REDIC1: variants seen among roughly 807,000 people sequenced by gnomAD.
The protein encoded by REDIC1 is regulator of DNA class I crossover intermediates 1, also known as HEI10 Interacting Protein 1.
the REDIC1 span, chr12:39,721,406 A>G: frequency 3.2e-6 from 2 of 620,942 alleles, no homozygotes; most frequent in East Asian, 5.7e-5. Context: ...TCATGTTAAA[A>G]CATTTTAATA....
chr12:39,684,725 G>C, the REDIC1 span: 1 of 593,910 alleles, frequency 1.7e-6, no homozygotes, highest in South Asian at 2.3e-5. Context: ...GGGCTCCTTG[G>C]CATGGAGCTT....
At chr12:39,683,140 G>A in the REDIC1 span, 2 of 1,588,936 alleles carry the variant, frequency 1.3e-6, no homozygotes, top group Non-Finnish European at 1.7e-6. Flanking sequence ...TGAAAGAAAA[G>A]GTTGGTATTG....
At chr12:39,674,352 A>G in the REDIC1 span, among the ~76,000 whole-genome samples, 13 of 152,328 alleles carry the variant, frequency 8.5e-5, no homozygotes, top group Admixed American at 8.5e-4. Context: ...TGCTTAAAAT[A>G]CCTTTTAAAA....
At chr12:39,714,963 A>C in the REDIC1 span, among the ~76,000 whole-genome samples, 8,262 of 152,044 alleles carry the variant, frequency 0.054, 263 homozygotes, top group Middle Eastern at 0.092. Context: ...TCTGGATATA[A>C]GTCCTTTGTC....
the REDIC1 span, among the ~76,000 whole-genome samples, chr12:39,711,803 ATGTG>A: frequency 9.3e-6 from 1 of 107,138 alleles, no homozygotes; most frequent in Non-Finnish European, 2.1e-5. Context: ...GTACACATGC[ATGTG>A]TATGTGTGTA....
At chr12:39,720,826 G>T in the REDIC1 span, 681 of 1,612,046 alleles carry the variant, frequency 4.2e-4, 1 homozygote, top group East Asian at 0.013. Context: ...GCAAATTGAA[G>T]ATTCAAATAG....
At chr12:39,635,227 C>T in the REDIC1 span, among the ~76,000 whole-genome samples, 74 of 152,194 alleles carry the variant, frequency 4.9e-4, no homozygotes, top group East Asian at 0.011. Flanking sequence ...TTGTGGAAGA[C>T]AGTGTGGCGA....
At chr12:39,785,518 T>C in the REDIC1 span, among the ~76,000 whole-genome samples, 1 of 152,190 alleles carries the variant, frequency 6.6e-6, no homozygotes, top group African/African-American at 2.4e-5. Context: ...AGGGCACTGC[T>C]GAAGGGAAAT....
the REDIC1 span, among the ~76,000 whole-genome samples, chr12:39,697,363 A>G: frequency 6.6e-6 from 1 of 152,236 alleles, no homozygotes; most frequent in Non-Finnish European, 1.5e-5. Context: ...AAAATACTAA[A>G]AGGAGTACTT....
chr12:39,650,025 AT>A, the REDIC1 span, among the ~76,000 whole-genome samples: 6 of 151,922 alleles, frequency 3.9e-5, no homozygotes, highest in Non-Finnish European at 7.4e-5. The surrounding 1 kb of genome is among the most constrained non-coding windows in gnomAD (Gnocchi z 4.3). Context: ...CAACTCTGTT[AT>A]TTTAACAATT....
chr12:39,768,415 T>C, the REDIC1 span, among the ~76,000 whole-genome samples: 1 of 152,146 alleles, frequency 6.6e-6, no homozygotes, highest in Non-Finnish European at 1.5e-5. Context: ...TTTGGCTATT[T>C]GGTGCAAGAG....
At chr12:39,748,872 T>G in the REDIC1 span, among the ~76,000 whole-genome samples, 1 of 152,022 alleles carries the variant, frequency 6.6e-6, no homozygotes, top group Admixed American at 6.6e-5. Context: ...TGAAACCAAT[T>G]GGAACAAAGA....
the REDIC1 span, among the ~76,000 whole-genome samples, chr12:39,713,113 A>G: frequency 5.3e-5 from 8 of 149,576 alleles, no homozygotes; most frequent in East Asian, 9.8e-4. Flanking sequence ...ATACGTATAT[A>G]TGTAGATATG....
the REDIC1 span, among the ~76,000 whole-genome samples, chr12:39,809,986 T>G: frequency 6.6e-6 from 1 of 152,206 alleles, no homozygotes; most frequent in Non-Finnish European, 1.5e-5. Flanking sequence ...ATGTGTCTTA[T>G]AGCAGCATGA....
At chr12:39,763,196 C>A in the REDIC1 span, among the ~76,000 whole-genome samples, 2 of 152,066 alleles carry the variant, frequency 1.3e-5, no homozygotes, top group Non-Finnish European at 2.9e-5. Context: ...GCTGAATATA[C>A]TAAATATATA....
At chr12:39,631,493 A>T in the REDIC1 span, among the ~76,000 whole-genome samples, 1 of 152,134 alleles carries the variant, frequency 6.6e-6, no homozygotes, top group African/African-American at 2.4e-5. Context: ...AATGCAATTG[A>T]AGGAGCCTAC....
chr12:39,712,701 AT>A, the REDIC1 span, among the ~76,000 whole-genome samples: 2 of 4,214 alleles, frequency 4.7e-4, no homozygotes, highest in African/African-American at 3.4e-3. Flanking sequence ...GTATACGTGT[AT>A]ATATGTATAT....
the REDIC1 span, among the ~76,000 whole-genome samples, chr12:39,675,201 C>T: frequency 6.6e-6 from 1 of 152,144 alleles, no homozygotes; most frequent in East Asian, 1.9e-4. Flanking sequence ...TAGCCATAAT[C>T]CTCTGTGGAA....
chr12:39,812,152 G>C, the REDIC1 span, among the ~76,000 whole-genome samples: 1 of 152,048 alleles, frequency 6.6e-6, no homozygotes, highest in African/African-American at 2.4e-5. Context: ...GGTGTCTGGT[G>C]AGGGTCTGCT....
Sources: gnomAD v4.1 joint callset for allele counts (sites outside exome capture counted in the v4.1 genomes callset) on GRCh38, gnomAD v4.1.1 for gene constraint, Gnocchi (gnomAD v3.1) non-coding constraint, MANE v1.5 for transcripts, NCBI Gene and HGNC (gene_info 2026-07-23, HGNC 2026-07-21) for gene names.